TEAD1: variants seen among roughly 807,000 people sequenced by gnomAD.
TEAD1 encodes transcriptional enhancer factor TEF-1.
A neutral mutation model predicts 54.9 loss-of-function variants in TEAD1; 9 were observed. The ratio of observed to expected loss-of-function variants is 0.16; its 90% CI spans 0.10 to 0.29. The LOEUF (loss-of-function observed/expected upper bound fraction) is 0.29, where lower values mean the gene tolerates loss of function less well. Ranked by LOEUF, TEAD1 falls within the 10% of genes least tolerant of loss-of-function variation. TEAD1 has a pLI of 1.00. For synonymous variants in TEAD1, 200 were observed against 187.8 expected, an observed-to-expected ratio of 1.07 and a Z score of -0.53; for missense variants, 387 against 535.9, an observed-to-expected ratio of 0.72 and a Z score of 2.74.
At chr11:12,709,760 C>T (rs1943894923) in intron 2 of TEAD1, among the ~76,000 whole-genome samples, 1 of 152,080 alleles carries the variant, frequency 6.6e-6, no homozygotes, top group African/African-American at 2.4e-5. Context: ...TGGTCGTTAA[C>T]CCAAGTAATC....
At chr11:12,918,139 T>C (rs952688109) in intron 10 of TEAD1, among the ~76,000 whole-genome samples, 7 of 152,054 alleles carry the variant, frequency 4.6e-5, no homozygotes, top group African/African-American at 1.2e-4. Context: ...TGATTTTCAG[T>C]TGGGAGGGGG....
chr11:12,692,484 T>A (rs1943479467), intron 2 of TEAD1, among the ~76,000 whole-genome samples: 1 of 152,136 alleles, frequency 6.6e-6, no homozygotes, highest in South Asian at 2.1e-4. Context: ...GGATACACAT[T>A]TAATGCCCCT....
Position 12,715,386 on chromosome 11 carries a change from G to A in TEAD1, c.-55+39825G>A, listed in dbSNP as rs765276657. Among the ~76,000 whole-genome samples the A allele has an allele frequency of 1.3e-4, 20 of 152,118 alleles. 1 individual carries two copies. Among genetic ancestry groups the A allele is most frequent in the Non-Finnish European group, 2.9e-5 (2 of 68,014 alleles). On this transcript the variant is annotated intron_variant, in intron 2 of 12. Transcript: ENST00000527636. Reference sequence around the variant, plus strand: ...GATCTGAGAAACAGATAAAGCCTGGGGACTGGGGAGGAGGAGAGGGTATGG... The same window carrying A: ...GATCTGAGAAACAGATAAAGCCTGGAGACTGGGGAGGAGGAGAGGGTATGG...
At chr11:12,845,307 C>G (rs1387363593) in intron 3 of TEAD1, among the ~76,000 whole-genome samples, 1 of 152,134 alleles carries the variant, frequency 6.6e-6, no homozygotes, top group Non-Finnish European at 1.5e-5. Flanking sequence ...TCTCCAGTTG[C>G]AGCTCTCTCT....
intron 2 of TEAD1, among the ~76,000 whole-genome samples, chr11:12,730,824 C>G (rs1944411810): frequency 6.6e-6 from 1 of 151,204 alleles, no homozygotes; most frequent in African/African-American, 2.4e-5. Flanking sequence ...CCTCAGCCTC[C>G]CAAGCAGCTG....
intron 5 of TEAD1, among the ~76,000 whole-genome samples, chr11:12,871,102 G>A (rs542534910): frequency 3.9e-5 from 6 of 152,292 alleles, no homozygotes; most frequent in Admixed American, 3.9e-4. Context: ...TACTTCTAAA[G>A]TAGAAGATGA....
At chr11:12,920,594 T>A (rs1948787071) in intron 10 of TEAD1, among the ~76,000 whole-genome samples, 1 of 152,184 alleles carries the variant, frequency 6.6e-6, no homozygotes, top group Non-Finnish European at 1.5e-5. Flanking sequence ...TGCCTCAGCC[T>A]CCTGAGTAAT....
At chr11:12,920,762 A>G (rs1299890646) in intron 10 of TEAD1, among the ~76,000 whole-genome samples, 1 of 152,250 alleles carries the variant, frequency 6.6e-6, no homozygotes, top group Non-Finnish European at 1.5e-5. Flanking sequence ...CTAGGAATTT[A>G]AAGTTGAAAG....
chr11:12,748,588 T>G (rs1361125961), intron 2 of TEAD1, among the ~76,000 whole-genome samples: 2 of 152,204 alleles, frequency 1.3e-5, no homozygotes, highest in East Asian at 1.9e-4. Flanking sequence ...CCTTTCTGAC[T>G]GCGGGATAGT....
At chr11:12,879,402 C>T in intron 5 of TEAD1, 3 of 590,078 alleles carry the variant, frequency 5.1e-6, no homozygotes, top group Non-Finnish European at 9.0e-6. Context: ...GAGAAATCTT[C>T]TGGAAGCTGA....
At chr11:12,801,436 A>G (rs973445425) in intron 3 of TEAD1, among the ~76,000 whole-genome samples, 2 of 152,206 alleles carry the variant, frequency 1.3e-5, no homozygotes, top group East Asian at 1.9e-4. Context: ...TAGTAAATTA[A>G]TGGAGGCTTT....
At chr11:12,916,653 A>T (rs1253221278) in intron 10 of TEAD1, among the ~76,000 whole-genome samples, 2 of 152,360 alleles carry the variant, frequency 1.3e-5, no homozygotes, top group East Asian at 1.9e-4. Flanking sequence ...CCAAAAAGTG[A>T]TTCCAAATCT....
intron 3 of TEAD1, among the ~76,000 whole-genome samples, chr11:12,814,367 C>G (rs1653385902): frequency 6.6e-6 from 1 of 152,114 alleles, no homozygotes; most frequent in African/African-American, 2.4e-5. Context: ...TTTGTAGGAA[C>G]CAGAGTGTGT....
intron 9 of TEAD1, among the ~76,000 whole-genome samples, chr11:12,900,296 A>G (rs1264292986): frequency 1.3e-5 from 2 of 151,498 alleles, no homozygotes; most frequent in Admixed American, 1.3e-4. Flanking sequence ...CTTGGGCTTG[A>G]ATGAGTTTCC....
intron 9 of TEAD1, among the ~76,000 whole-genome samples, chr11:12,892,755 G>A (rs1948223998): frequency 6.6e-6 from 1 of 152,206 alleles, no homozygotes; most frequent in Admixed American, 6.5e-5. Context: ...GGGCACCGGT[G>A]TCTCTGGAGG....
At position 12,929,720 on chromosome 11, in the gene TEAD1, G is replaced by A. The variant is rs962134558; in HGVS notation, c.1015-454G>A. On this transcript the variant is annotated intron_variant, in intron 11 of 12. Transcript: ENST00000527636. ...CTTTCATAAACAGGTGACATTCAGG[G>A]GCTCATGATCCGTGAGAAATAATCA... 3.2e-4 allele frequency among the ~76,000 whole-genome samples: 49 copies of A among 151,908 alleles called. 1 individual carries two copies. The highest frequency in any genetic ancestry group is 2.8e-3 in the Admixed American group (42 of 15,244).
chr11:12,825,438 C>G (rs1349582107), intron 3 of TEAD1, among the ~76,000 whole-genome samples: 5 of 152,126 alleles, frequency 3.3e-5, no homozygotes, highest in Admixed American at 3.3e-4. Context: ...TTTTTACATA[C>G]TAGCACCAAG....
intron 2 of TEAD1, among the ~76,000 whole-genome samples, chr11:12,719,947 A>ATGTTT (rs1564917570): frequency 2.5e-4 from 15 of 59,758 alleles, no homozygotes; most frequent in Non-Finnish European, 3.2e-4. Context: ...TGGAAATCTA[A>ATGTTT]TGTTTTTTTT....
At chr11:12,803,018 G>C (rs1323020600) in intron 3 of TEAD1, among the ~76,000 whole-genome samples, 1 of 152,046 alleles carries the variant, frequency 6.6e-6, no homozygotes, top group Non-Finnish European at 1.5e-5. Context: ...GCAAGAAGCC[G>C]AGGAGACTTC....
Sources: allele counts gnomAD v4.1 joint callset (sites outside exome capture counted in the v4.1 genomes callset), GRCh38; gene constraint gnomAD v4.1.1; transcripts MANE v1.5; gene names NCBI Gene and HGNC (gene_info 2026-07-23, HGNC 2026-07-21).